The following CEP112 variants were observed in gnomAD, a reference collection of about 807,000 sequenced individuals.
CEP112 encodes centrosomal protein of 112 kDa.
Under a neutral mutation model 153.0 loss-of-function variants are expected in CEP112, and 127 were observed. The ratio of observed to expected loss-of-function variants is 0.83; its 90% confidence interval spans 0.72 to 0.96. The LOEUF (loss-of-function observed/expected upper bound fraction) is 0.96, where lower values mean the gene tolerates loss of function less well. CEP112 is among the 40% of genes least tolerant of loss of function. The pLI, the probability that CEP112 is intolerant of heterozygous loss-of-function variation, is 0.00. For synonymous variants in CEP112, 358 were observed against 374.4 expected (o/e 0.96, Z 0.51); for missense variants, 1,089 against 1,101.2 (o/e 0.99, Z 0.16).
At chr17:66,099,541 C>A (rs2068481672) in intron 6 of CEP112, among the ~76,000 whole-genome samples, 1 of 149,968 alleles carries the variant, frequency 6.7e-6, no homozygotes, top group Non-Finnish European at 1.5e-5. Context: ...AGAAGACAAG[C>A]CAGGCTGACA....
intron 5 of CEP112, among the ~76,000 whole-genome samples, chr17:66,130,742 C>CT (rs2070115014): frequency 6.7e-6 from 1 of 149,604 alleles, no homozygotes; most frequent in Non-Finnish European, 1.5e-5. Context: ...CGCCACTGCA[C>CT]TCCAGCCTGG....
chr17:65,687,160 ATTTTTTT>A (rs35675811), intron 24 of CEP112, among the ~76,000 whole-genome samples: 6 of 90,142 alleles, frequency 6.7e-5, no homozygotes, highest in South Asian at 3.6e-4. Context: ...GTTATTATTA[ATTTTTTT>A]TTTTTTTTTT....
rs966107692 is a variant in CEP112, at chr17:66,142,157, G to A, written c.471-9394C>T. On this transcript the variant is annotated intron_variant, in intron 4 of 26. Transcript: ENST00000535342. The stretch of plus-strand genomic sequence containing the variant: ...ATGTTGAACATTTTATATATTGTAT[G>A]TCCACTTTGGAGAAACGTGTATTCA... Among the ~76,000 whole-genome samples, 3 of 152,136 alleles carry A rather than the reference G, an allele frequency of 2.0e-5. No homozygotes were observed. The South Asian group carries it at 6.2e-4, about 31-fold the overall frequency.
chr17:66,045,279 A>C (rs1345820351), intron 12 of CEP112, among the ~76,000 whole-genome samples: 1 of 152,112 alleles, frequency 6.6e-6, no homozygotes, highest in African/African-American at 2.4e-5. Context: ...TGTGTTGCTC[A>C]GGCTGGTCTC....
At chr17:65,839,585 G>C (rs2146205058) in intron 21 of CEP112, among the ~76,000 whole-genome samples, 1 of 151,976 alleles carries the variant, frequency 6.6e-6, no homozygotes, top group East Asian at 1.9e-4. Context: ...AAAATTGAGA[G>C]CCTTTTCTCT....
rs9897723 is a variant in CEP112, at chr17:65,857,598, G to A, written c.2164-5564C>T. 2.8e-3 allele frequency among the ~76,000 whole-genome samples: 424 copies of A among 152,146 alleles called. 1 individual carries two copies. The highest frequency in any genetic ancestry group is 9.6e-3 in the African/African-American group (399 of 41,502). ...ATTATATTATAGGTTATTTTCAAAC[G>A]TTACATCAACCTTAGGTTACATTCA... On this transcript the variant is annotated intron_variant, in intron 20 of 26. Transcript: ENST00000535342.
rs2067249787 is a variant in CEP112 at position 66,069,903 on chromosome 17, T to C, written c.855+12A>G. 6.7e-7 allele frequency: 1 copy of C among 1,491,582 alleles called. No individual in the cohort carries two copies. The highest frequency in any genetic ancestry group is 2.3e-5 in the East Asian group (1 of 43,970). 92.4% of individuals were successfully genotyped at this position (1,491,582 alleles called of 1,614,324 possible). On this transcript the variant is annotated intron_variant, in intron 9 of 26. Transcript: ENST00000535342. ...TGTTCAATATAATTAAAACACGAGA[T>C]ATATATCCTACCTTCTGAACATCAG...
chr17:66,033,940 GA>G, intron 12 of CEP112, among the ~76,000 whole-genome samples: 1 of 152,122 alleles, frequency 6.6e-6, no homozygotes. Flanking sequence ...TTTATATGCA[GA>G]TTTTTTTTTC....
At chr17:66,074,531 C>T (rs570305014) in intron 8 of CEP112, among the ~76,000 whole-genome samples, 3 of 151,996 alleles carry the variant, frequency 2.0e-5, no homozygotes, top group Non-Finnish European at 2.9e-5. Context: ...AAGAAAACAA[C>T]GCCTAGAAAC....
chr17:65,791,620 A>G (rs2054599081), intron 21 of CEP112, among the ~76,000 whole-genome samples: 1 of 152,222 alleles, frequency 6.6e-6, no homozygotes, highest in African/African-American at 2.4e-5. Context: ...AAATAAATGA[A>G]TATCATCAAC....
At chr17:66,144,392 G>A (rs1034630840) in intron 4 of CEP112, among the ~76,000 whole-genome samples, 5 of 152,040 alleles carry the variant, frequency 3.3e-5, no homozygotes, top group Admixed American at 1.3e-4. Flanking sequence ...GTTGTTGCAC[G>A]TATCAAAAGT....
intron 17 of CEP112, among the ~76,000 whole-genome samples, chr17:65,971,454 C>G (rs2062802275): frequency 1.2e-5 from 1 of 81,776 alleles, no homozygotes; most frequent in East Asian, 1.5e-3. Flanking sequence ...CGCATGCATG[C>G]ATATCACACA....
In CEP112 at chr17:66,048,530, T is replaced by C. The variant is rs77986292; in HGVS notation, c.1218+5206A>G. ...CAATGTTAAAGGCAAAACTTTAAAG[T>C]TTTTCATAGAATATATAGGCGAACC... On this transcript the variant is annotated intron_variant, in intron 12 of 26. Coordinates refer to ENST00000535342, the MANE Select transcript of CEP112 (RefSeq NM_001199165.4). Among the ~76,000 whole-genome samples the C allele has an allele frequency of 2.0e-3, 310 of 152,340 alleles. 9 individuals carry two copies. In the East Asian group the frequency reaches 0.052, roughly 25 times the overall value.
chr17:66,066,790 GCTTT>G lies in CEP112; in HGVS notation c.939_942del (p.Arg313SerfsTer9), dbSNP rs1340274878. ...AACACAACATCACCTTTCTTTTCAAGCTTTCTAATAGTCTCTTCAGTTTCATGTT... is the reference window on the plus strand; with the variant it reads ...AACACAACATCACCTTTCTTTTCAAGCTAATAGTCTCTTCAGTTTCATGTT... On this transcript the variant is annotated frameshift_variant, in exon 10 of 27. Coordinates refer to ENST00000535342, the MANE Select transcript of CEP112 (RefSeq NM_001199165.4). LOFTEE classifies it high-confidence loss of function. The G allele has an allele frequency of 1.3e-6, 2 of 1,529,796 alleles. No individual in the cohort carries two copies. The highest frequency in any genetic ancestry group is 2.8e-5 in the African/African-American group (2 of 70,238). The allele number at this position is 1,529,796 out of a possible 1,614,324, so 94.8% of individuals were successfully genotyped here.
chr17:66,029,158 G>A lies in CEP112; in HGVS notation c.1468C>T (p.Leu490Phe), dbSNP rs766660368. The A allele has an allele frequency of 3.7e-6, 6 of 1,605,472 alleles. No homozygotes were observed. Among genetic ancestry groups the A allele is most frequent in the South Asian group, 1.1e-5 (1 of 90,516 alleles). Reference protein sequence around the residue: ...LQTKYDADINLLKQEHALSAS... With the variant: ...LQTKYDADINFLKQEHALSAS... ...GAAAGAGCATGTTCTTGTTTTAGAA[G>A]GTTTATATCAGCATCATATTTGGTT... is the stretch of plus-strand genomic sequence containing the variant. Residue 490 changes from leucine (L) to phenylalanine (F), a missense_variant, in exon 14 of 27, where the codon CTT becomes TTT. Coordinates refer to ENST00000535342, the MANE Select transcript of CEP112 (RefSeq NM_001199165.4).
intron 17 of CEP112, among the ~76,000 whole-genome samples, chr17:65,975,936 T>C (rs2063017914): frequency 6.6e-6 from 1 of 152,188 alleles, no homozygotes; most frequent in Non-Finnish European, 1.5e-5. Context: ...GAAATGAATA[T>C]CCCAAGAAGT....
At chr17:65,676,992 CATG>C (rs1365337895) in intron 24 of CEP112, among the ~76,000 whole-genome samples, 3 of 152,164 alleles carry the variant, frequency 2.0e-5, no homozygotes, top group Admixed American at 6.5e-5. Context: ...AGCATCTGAA[CATG>C]ATATCTGTGC....
intron 21 of CEP112, among the ~76,000 whole-genome samples, chr17:65,821,529 TA>T: frequency 1.9e-4 from 5 of 26,630 alleles, no homozygotes; most frequent in African/African-American, 6.7e-4. Flanking sequence ...TATATATATA[TA>T]TATATATATA....
intron 4 of CEP112, among the ~76,000 whole-genome samples, chr17:66,172,841 C>G (rs868086648): frequency 8.5e-5 from 13 of 152,200 alleles, no homozygotes; most frequent in African/African-American, 2.9e-4. Context: ...AATCAAAAGT[C>G]TGGAGGACTT....
Sources: gnomAD v4.1 joint callset for allele counts (sites outside exome capture counted in the v4.1 genomes callset) on GRCh38, gnomAD v4.1.1 for gene constraint, MANE v1.5 for transcripts, NCBI Gene and HGNC (gene_info 2026-07-23, HGNC 2026-07-21) for gene names.